The following TMEM154 variants were observed in gnomAD, a reference collection of about 807,000 sequenced individuals.
TMEM154 encodes transmembrane protein 154.
A neutral mutation model predicts 24.5 loss-of-function variants in TMEM154; 27 were observed. The observed-to-expected ratio is 1.10, with a 90% confidence interval of 0.81 to 1.52. TMEM154 has a LOEUF of 1.52. Among genes scored for constraint, TMEM154 ranks in the 40% most tolerant of loss-of-function variants. The pLI is 0.00. For missense variants in TMEM154, 228 were observed against 213.4 expected (o/e 1.07, Z -0.43); for synonymous variants, 67 against 76.8 (o/e 0.87, Z 0.67).
At chr4:152,653,686 G>A (rs1311832527) in intron 1 of TMEM154, among the ~76,000 whole-genome samples, 1 of 151,920 alleles carries the variant, frequency 6.6e-6, no homozygotes, top group Non-Finnish European at 1.5e-5. Flanking sequence ...CACTGCGCCT[G>A]TCTGTGTCCT....
chr4:152,633,432 T>C (rs72956753), intron 6 of TMEM154, among the ~76,000 whole-genome samples: 3,012 of 152,322 alleles, frequency 0.02, 115 homozygotes, highest in African/African-American at 0.064. Flanking sequence ...GTTAGATATG[T>C]TTCCTGCTGT....
chr4:152,644,598 G>A (rs1752319797), intron 3 of TMEM154, among the ~76,000 whole-genome samples, 156 bp from the exon 4 acceptor site: 1 of 152,158 alleles, frequency 6.6e-6, no homozygotes, highest in African/African-American at 2.4e-5. Flanking sequence ...AAAGAAGTGT[G>A]GATTGCCATA....
rs1440964941 is a variant in TMEM154 at position 152,679,939 on chromosome 4, C to G, written c.-6G>C. On this transcript the variant is annotated 5_prime_UTR_variant, in exon 1 of 7. Transcript: ENST00000304385. The stretch of plus-strand genomic sequence containing the variant: ...GCTGCGCGGGGAGCCTGCATGTCCG[C>G]TCGCCTCGGCAGAGGCGCGCTCAGG... The G allele has an allele frequency of 6.2e-7, 1 of 1,607,176 alleles. No individual in the cohort carries two copies. Among genetic ancestry groups the G allele is most frequent in the Non-Finnish European group, 8.5e-7 (1 of 1,177,592 alleles).
chr4:152,628,671 C>T lies in TMEM154; in HGVS notation c.537-110G>A, dbSNP rs1156410495. 6.2e-6 allele frequency: 8 copies of T among 1,284,860 alleles called. No individual in the cohort carries two copies. The African/African-American group carries it at 1.3e-4, about 21-fold the overall frequency. 79.6% of individuals were successfully genotyped at this position (1,284,860 alleles called of 1,614,324 possible). A position where few individuals can be genotyped will look rare whatever the true frequency, so the allele number is the denominator to read the frequency against. ...TTTTTTTTTGAGACGGAGTCTGGCTCCGTCGCCCAGGCTGGAGCGCAGTGG... is the reference window on the plus strand; with the variant it reads ...TTTTTTTTTGAGACGGAGTCTGGCTTCGTCGCCCAGGCTGGAGCGCAGTGG... On this transcript the variant is annotated intron_variant, in intron 6 of 6. Transcript: ENST00000304385.
chr4:152,677,011 T>C (rs1198471109), intron 1 of TMEM154, among the ~76,000 whole-genome samples: 1 of 152,214 alleles, frequency 6.6e-6, no homozygotes, highest in Admixed American at 6.5e-5. Context: ...TGACAGGGCA[T>C]AAAGAACAGA....
At chr4:152,656,768 A>G (rs1007268316) in intron 1 of TMEM154, among the ~76,000 whole-genome samples, 20 of 151,876 alleles carry the variant, frequency 1.3e-4, no homozygotes, top group African/African-American at 4.8e-4. Context: ...CGAAAAATAC[A>G]AAATTAGCCG....
Position 152,652,794 on chromosome 4 carries a change from G to T in TMEM154, c.198C>A (p.Asn66Lys), listed in dbSNP as rs1728412839. ...ETLNANINSTNFAPDENQLEF... is the reference protein window; with the variant it reads ...ETLNANINSTKFAPDENQLEF... ...CTAACTGATTTTCATCCGGAGCAAA[G>T]TTGGTAGAATTTATATTTGCATTTA... The change falls in exon 2 of 7, where the codon AAC (asparagine) becomes AAA (lysine). Residue 66 changes from asparagine (N) to lysine (K), a missense_variant. By Grantham distance (94) the Asn-to-Lys change is moderately conservative. Transcript: ENST00000304385. 1 of 1,614,082 alleles carries T rather than the reference G, an allele frequency of 6.2e-7. No individual in the cohort carries two copies. Among genetic ancestry groups the T allele is most frequent in the Non-Finnish European group, 8.5e-7 (1 of 1,179,994 alleles).
At chr4:152,668,133 G>A (rs1561057366) in intron 1 of TMEM154, among the ~76,000 whole-genome samples, 1 of 152,038 alleles carries the variant, frequency 6.6e-6, no homozygotes, top group African/African-American at 2.4e-5. Context: ...ATTTTTGACC[G>A]CCTGACTACC....
intron 1 of TMEM154, among the ~76,000 whole-genome samples, chr4:152,655,501 A>T (rs1728473348): frequency 6.6e-6 from 1 of 151,952 alleles, no homozygotes; most frequent in Non-Finnish European, 1.5e-5. Context: ...CCCCCACCAG[A>T]CTGTATCCTG....
At chr4:152,658,678 T>A (rs1395419207) in intron 1 of TMEM154, among the ~76,000 whole-genome samples, 1 of 134,002 alleles carries the variant, frequency 7.5e-6, no homozygotes, top group African/African-American at 2.9e-5. Flanking sequence ...CTGGGCATGG[T>A]GGCACACTTC....
intron 3 of TMEM154, among the ~76,000 whole-genome samples, chr4:152,646,172 CA>C (rs1167342052): frequency 6.6e-6 from 1 of 152,106 alleles, no homozygotes; most frequent in African/African-American, 2.4e-5. Context: ...TCCCAGACAG[CA>C]AGTGGCTGCA....
At chr4:152,644,280 A>G in intron 4 of TMEM154, 135 bp downstream of exon 4, 1 of 931,110 alleles carries the variant, frequency 1.1e-6, no homozygotes, top group Non-Finnish European at 1.7e-6. Flanking sequence ...CAGGCTGCCA[A>G]GGATCTCCAA....
intron 1 of TMEM154, among the ~76,000 whole-genome samples, chr4:152,672,874 A>T (rs1189687452): frequency 2.0e-5 from 3 of 152,368 alleles, no homozygotes; most frequent in Middle Eastern, 6.8e-3. Flanking sequence ...TTTGTGGGCC[A>T]AGAGGCAAAT....
intron 3 of TMEM154, chr4:152,647,402 G>T: frequency 1.1e-6 from 1 of 902,540 alleles, no homozygotes; most frequent in South Asian, 5.1e-5. Context: ...TTTCTGAAAA[G>T]TTGTCCATCT....
chr4:152,641,328 G>T, intron 5 of TMEM154: 1 of 214,328 alleles, frequency 4.7e-6, no homozygotes, highest in Non-Finnish European at 9.2e-6. Flanking sequence ...TTCGCCTGAG[G>T]TTCCAACGTG....
At position 152,624,292 on chromosome 4, in the gene TMEM154, C is replaced by T. The variant is rs1441748480; in HGVS notation, c.*4254G>A. 1 of 152,052 alleles carries T rather than the reference C, an allele frequency of 6.6e-6. No individual in the cohort carries two copies. Among genetic ancestry groups the T allele is most frequent in the Non-Finnish European group, 1.5e-5 (1 of 68,002 alleles). The allele number at this position is 152,052 out of a possible 1,614,324, so 9.4% of individuals were successfully genotyped here. ...AAGATAGTAGGGCAAAAAAACAAAA[C>T]ACAAGGTCCAGGTACAAATAATTCC... On this transcript the variant is annotated 3_prime_UTR_variant, in exon 7 of 7. Coordinates refer to ENST00000304385, the MANE Select transcript of TMEM154 (RefSeq NM_152680.3).
chr4:152,641,935 TTTG>T (rs1561047114), intron 5 of TMEM154, among the ~76,000 whole-genome samples: 2 of 124,440 alleles, frequency 1.6e-5, no homozygotes, highest in Admixed American at 8.0e-5. Context: ...TTTTTTTTTT[TTTG>T]TTGAGATGGA....
In TMEM154 at chr4:152,622,263, T is replaced by C. The variant is rs1450434827; in HGVS notation, c.*6283A>G. The C allele has an allele frequency of 1.3e-5, 2 of 152,248 alleles. No homozygotes were observed. Among genetic ancestry groups the C allele is most frequent in the Non-Finnish European group, 2.9e-5 (2 of 68,036 alleles). The allele number at this position is 152,248 out of a possible 1,614,324, so 9.4% of individuals were successfully genotyped here. ...CAGAAAGTCTACTTAATTTTTAGGT[T>C]AGACAATTTTATACAAAGCAGGCCC... is the stretch of plus-strand genomic sequence containing the variant. On this transcript the variant is annotated 3_prime_UTR_variant, in exon 7 of 7. Transcript: ENST00000304385.
intron 6 of TMEM154, among the ~76,000 whole-genome samples, chr4:152,631,235 T>G (rs1752036274): frequency 6.6e-6 from 1 of 152,210 alleles, no homozygotes; most frequent in Non-Finnish European, 1.5e-5. Flanking sequence ...GAACTATCCT[T>G]TTCCCCACAT....
Sources: gnomAD v4.1 joint callset for allele counts (sites outside exome capture counted in the v4.1 genomes callset) on GRCh38, gnomAD v4.1.1 for gene constraint, MANE v1.5 for transcripts, NCBI Gene and HGNC (gene_info 2026-07-23, HGNC 2026-07-21) for gene names.